RASGRF1: variants seen among roughly 807,000 people sequenced by gnomAD.
The protein encoded by RASGRF1 is Ras protein specific guanine nucleotide releasing factor 1, also known as ras-specific guanine nucleotide-releasing factor 1.
Under a neutral mutation model 138.7 loss-of-function variants are expected in RASGRF1, and 40 were observed. The ratio of observed to expected loss-of-function variants is 0.29; its 90% CI spans 0.22 to 0.38. The LOEUF (loss-of-function observed/expected upper bound fraction) is 0.38. RASGRF1 is among the 10% of genes least tolerant of loss of function. The pLI, the probability that RASGRF1 is intolerant of heterozygous loss-of-function variation, is 1.00. For missense variants in RASGRF1, 1,108 were observed against 1,650.4 expected, an observed-to-expected ratio of 0.67 and a Z score of 5.69; for synonymous variants, 614 against 663.2, an observed-to-expected ratio of 0.93 and a Z score of 1.14.
At chr15:79,001,494 C>A (rs927477877) in intron 16 of RASGRF1, among the ~76,000 whole-genome samples, 168 bp downstream of exon 16, 1 of 104,068 alleles carries the variant, frequency 9.6e-6, no homozygotes, top group African/African-American at 3.6e-5. Context: ...CTTGGGGTGG[C>A]GGGGGGCGGG....
chr15:78,978,937 C>A, intron 24 of RASGRF1: 1 of 1,281,124 alleles, frequency 7.8e-7, no homozygotes, highest in Admixed American at 2.3e-5. Flanking sequence ...CACGGGCCCA[C>A]AGGCCACCTG....
chr15:79,055,402 CAGAG>C (rs141262185), intron 3 of RASGRF1, among the ~76,000 whole-genome samples: 3 of 151,310 alleles, frequency 2.0e-5, no homozygotes, highest in Non-Finnish European at 4.4e-5. Context: ...GAGAGAGAAA[CAGAG>C]AGAGAGAGAG....
intron 1 of RASGRF1, among the ~76,000 whole-genome samples, chr15:79,088,419 T>C (rs897108666): frequency 6.6e-6 from 1 of 152,244 alleles, no homozygotes; most frequent in Non-Finnish European, 1.5e-5. Context: ...ATTATCTTCA[T>C]TTTGTAGATT....
At position 79,050,545 on chromosome 15, in the gene RASGRF1, C is replaced by T. The variant is rs539802531; in HGVS notation, c.532-957G>A. 9.5e-4 allele frequency among the ~76,000 whole-genome samples: 144 copies of T among 152,294 alleles called. No homozygotes were observed. The highest frequency in any genetic ancestry group is 4.9e-3 in the Admixed American group (75 of 15,298). On this transcript the variant is annotated intron_variant, in intron 3 of 26. Transcript: ENST00000558480. This position sits in a 1 kb window ranked among gnomAD's most constrained non-coding sequence, Gnocchi z 4.1. ...CCAAAGCACCTCTTAGAATCAGAGG[C>T]CTATTTCAATCATAACCTGGAAACT...
rs150878321 is a variant in RASGRF1, at chr15:79,047,589, C to T, written c.625-590G>A. ...TAATCTCATACTTAGCCCTCATCAG[C>T]GGCTTCTGAGTCCTAGTGCCTGCCT... On this transcript the variant is annotated intron_variant, in intron 4 of 26. Transcript: ENST00000558480. Among the ~76,000 whole-genome samples, 233 of 152,332 alleles carry T rather than the reference C, an allele frequency of 1.5e-3. 2 individuals carry two copies. Among genetic ancestry groups the T allele is most frequent in the African/African-American group, 5.1e-3 (214 of 41,580 alleles).
chr15:78,978,220 G>GTTTTTTTTTTTTTTTTTTTTTT (rs71148584), intron 24 of RASGRF1, among the ~76,000 whole-genome samples: 1 of 125,098 alleles, frequency 8.0e-6, no homozygotes, highest in African/African-American at 4.0e-5. Flanking sequence ...CTTTTCTTTT[G>GTTTTTTTTTTTTTTTTTTTTTT]TTTTTTTTTT....
At chr15:79,002,398 C>T (rs1201823897) in intron 15 of RASGRF1, among the ~76,000 whole-genome samples, 2 of 152,140 alleles carry the variant, frequency 1.3e-5, no homozygotes, top group East Asian at 1.9e-4. Flanking sequence ...TGGTCAGAAA[C>T]TCTTAACTGC....
rs528363345 is a variant in RASGRF1 at position 78,996,333 on chromosome 15, C to T, written c.2967-533G>A. On this transcript the variant is annotated intron_variant, in intron 19 of 26. Coordinates refer to ENST00000558480, the MANE Select transcript of RASGRF1 (RefSeq NM_001145648.3). ...CTCAAAGTCAGGCCAAAGTGCCGCACGCTCACAGTGATGGGCTCAGAGCCA... is the reference window on the plus strand; with the variant it reads ...CTCAAAGTCAGGCCAAAGTGCCGCATGCTCACAGTGATGGGCTCAGAGCCA... Among the ~76,000 whole-genome samples, 101 of 152,332 alleles carry T rather than the reference C, an allele frequency of 6.6e-4. 1 individual carries two copies. Among genetic ancestry groups the T allele is most frequent in the African/African-American group, 2.3e-3 (96 of 41,572 alleles).
intron 12 of RASGRF1, 70 bp from the exon 13 acceptor site, chr15:79,015,479 C>T: frequency 7.1e-7 from 1 of 1,403,584 alleles, no homozygotes; most frequent in Non-Finnish European, 1.0e-6. Context: ...AGGAGCTCTG[C>T]CAACTGTAAA....
rs114940535 is a variant in RASGRF1, at chr15:79,063,182, C to T, written c.383+1238G>A. Among the ~76,000 whole-genome samples, 509 of 152,258 alleles carry T rather than the reference C, an allele frequency of 3.3e-3. 2 individuals carry two copies. Among genetic ancestry groups the T allele is most frequent in the African/African-American group, 0.011 (463 of 41,532 alleles). ...GTCTAATGTCTACCTGATTAGACTG[C>T]GATATCCCTGGGGGAATACTTATGT... On this transcript the variant is annotated intron_variant, in intron 2 of 26. Transcript: ENST00000558480.
chr15:78,985,411 C>T, intron 22 of RASGRF1: 1 of 500,790 alleles, frequency 2.0e-6, no homozygotes, highest in East Asian at 3.3e-5. Context: ...TAGCAATAAT[C>T]AATTAGAAAA....
rs1002175346 is a variant in RASGRF1, at chr15:79,073,816, A to G, written c.277-9290T>C. 2.0e-5 allele frequency among the ~76,000 whole-genome samples: 3 copies of G among 152,250 alleles called. No homozygotes were observed. Among genetic ancestry groups the G allele is most frequent in the African/African-American group, 4.8e-5 (2 of 41,462 alleles). The stretch of plus-strand genomic sequence containing the variant: ...TCCTTAAAGTCACTGGAGCTGCAGC[A>G]GCACCCAAATCACCTTGGAATTTGT... On this transcript the variant is annotated intron_variant, in intron 1 of 26. Coordinates refer to ENST00000558480, the MANE Select transcript of RASGRF1 (RefSeq NM_001145648.3). This position sits in a 1 kb window ranked among gnomAD's most constrained non-coding sequence, Gnocchi z 4.2.
intron 16 of RASGRF1, among the ~76,000 whole-genome samples, chr15:79,001,044 G>T (rs1418447891): frequency 6.6e-6 from 1 of 152,194 alleles, no homozygotes; most frequent in Admixed American, 6.5e-5. Context: ...TTGTATAGGG[G>T]AAAGGGCTTT....
At chr15:78,994,759 C>T (rs11852934) in intron 20 of RASGRF1, among the ~76,000 whole-genome samples, 76,975 of 151,776 alleles carry the variant, frequency 0.51, 20,794 homozygotes, top group African/African-American at 0.7. Context: ...CATTTCTGGG[C>T]AGGTGGTGAG....
chr15:78,970,951 G>C (rs1029639455), intron 26 of RASGRF1, among the ~76,000 whole-genome samples: 4 of 151,768 alleles, frequency 2.6e-5, no homozygotes, highest in Non-Finnish European at 5.9e-5. Context: ...CAAAGTCCCT[G>C]ATCCTTTTAG....
At chr15:79,080,973 C>T (rs575145125) in intron 1 of RASGRF1, among the ~76,000 whole-genome samples, 15 of 152,300 alleles carry the variant, frequency 9.8e-5, no homozygotes, top group African/African-American at 2.9e-4. Flanking sequence ...AAATGAGGAT[C>T]GTGCCTCTCT....
intron 20 of RASGRF1, among the ~76,000 whole-genome samples, chr15:78,992,113 C>G (rs2056282609): frequency 6.6e-6 from 1 of 152,222 alleles, no homozygotes; most frequent in Non-Finnish European, 1.5e-5. Context: ...AGCCACTGGC[C>G]CAAGTTGCTA....
chr15:79,025,249 G>T lies in RASGRF1; in HGVS notation c.1542+65C>A, dbSNP rs2140988843. The T allele has an allele frequency of 6.6e-6, 10 of 1,507,042 alleles. No individual in the cohort carries two copies. The South Asian group carries it at 1.4e-4, about 20-fold the overall frequency. 93.4% of individuals were successfully genotyped at this position (1,507,042 alleles called of 1,614,324 possible). On this transcript the variant is annotated intron_variant, in intron 10 of 26. Coordinates refer to ENST00000558480, the MANE Select transcript of RASGRF1 (RefSeq NM_001145648.3). Reference sequence around the variant, plus strand: ...CACCACCTGGGCCCATAGACCCTCTGGCCAGGACAGCGCCTGCATGACCCT... The same window carrying T: ...CACCACCTGGGCCCATAGACCCTCTTGCCAGGACAGCGCCTGCATGACCCT...
chr15:79,066,171 C>CA (rs2057678319), intron 1 of RASGRF1, among the ~76,000 whole-genome samples: 2 of 152,072 alleles, frequency 1.3e-5, no homozygotes, highest in South Asian at 4.2e-4. Context: ...GATGAACACA[C>CA]AAATGCTTGT....
Sources: gnomAD v4.1 joint callset for allele counts (sites outside exome capture counted in the v4.1 genomes callset) on GRCh38, gnomAD v4.1.1 for gene constraint, Gnocchi (gnomAD v3.1) non-coding constraint, MANE v1.5 for transcripts, NCBI Gene and HGNC (gene_info 2026-07-23, HGNC 2026-07-21) for gene names.